The following COL19A1 variants were observed in gnomAD, a reference collection of about 807,000 sequenced individuals.
COL19A1 encodes the protein collagen alpha-1(XIX) chain.
Under a neutral mutation model 190.2 loss-of-function variants are expected in COL19A1, and 159 were observed. The ratio of observed to expected loss-of-function variants is 0.84; its 90% CI spans 0.73 to 0.95. The LOEUF (loss-of-function observed/expected upper bound fraction) is 0.95. Ranked by LOEUF, COL19A1 falls within the 40% of genes least tolerant of loss-of-function variation. The probability of loss-of-function intolerance (pLI) is 0.00; values close to 1 mark genes in which losing one functional copy is unlikely to be tolerated. For synonymous variants in COL19A1, 509 were observed against 458.9 expected (o/e 1.11, Z -1.39); for missense variants, 1,418 against 1,431.9 (o/e 0.99, Z 0.16).
intron 2 of COL19A1, among the ~76,000 whole-genome samples, chr6:69,888,156 A>T (rs1207809320): frequency 6.6e-6 from 1 of 152,192 alleles, no homozygotes; most frequent in African/African-American, 2.4e-5. Context: ...TTCCAGTTGC[A>T]TTACCGTTTA....
chr6:69,912,280 C>T (rs1272582569), intron 4 of COL19A1, among the ~76,000 whole-genome samples: 1 of 152,136 alleles, frequency 6.6e-6, no homozygotes, highest in Non-Finnish European at 1.5e-5. Context: ...CTCATTCTGA[C>T]TTGTGTAATC....
intron 9 of COL19A1, 134 bp downstream of exon 9, chr6:69,938,234 A>G: frequency 2.5e-6 from 2 of 796,656 alleles, no homozygotes; most frequent in Non-Finnish European, 3.9e-6. Flanking sequence ...CTATATTAAA[A>G]TGCTGATTAC....
intron 16 of COL19A1, among the ~76,000 whole-genome samples, chr6:70,105,187 T>C (rs1438982708): frequency 6.6e-6 from 1 of 152,188 alleles, no homozygotes; most frequent in Non-Finnish European, 1.5e-5. Flanking sequence ...GGAAAAAATC[T>C]ATGCAGAAGA....
intron 9 of COL19A1, among the ~76,000 whole-genome samples, chr6:69,944,361 A>T (rs1773658026): frequency 6.6e-6 from 1 of 152,158 alleles, no homozygotes; most frequent in African/African-American, 2.4e-5. Context: ...AGCTAAAAAT[A>T]TGCTGAATGC....
intron 4 of COL19A1, among the ~76,000 whole-genome samples, chr6:69,901,586 G>A (rs1215211689): frequency 2.0e-5 from 3 of 152,200 alleles, no homozygotes; most frequent in Non-Finnish European, 4.4e-5. Flanking sequence ...CTCATAAGTA[G>A]GCATTAAATT....
chr6:70,131,042 G>A (rs1275546329), intron 18 of COL19A1: 2 of 460,806 alleles, frequency 4.3e-6, no homozygotes, highest in Admixed American at 4.9e-5. Context: ...CATTCCCCTT[G>A]TCATTTGCAG....
At chr6:69,886,005 C>T (rs1286395618) in intron 2 of COL19A1, among the ~76,000 whole-genome samples, 1 of 152,108 alleles carries the variant, frequency 6.6e-6, no homozygotes, top group Non-Finnish European at 1.5e-5. Context: ...AACTAAAACA[C>T]TTATACACAG....
At chr6:69,928,081 G>T (rs1156938589) in intron 5 of COL19A1, 49 bp downstream of exon 5, 1 of 1,590,476 alleles carries the variant, frequency 6.3e-7, no homozygotes, top group Admixed American at 1.7e-5. Flanking sequence ...GTGTAATTAA[G>T]CCAGGTGAAT....
At chr6:69,891,716 C>T (rs1425280118) in intron 2 of COL19A1, among the ~76,000 whole-genome samples, 1 of 152,178 alleles carries the variant, frequency 6.6e-6, no homozygotes, top group African/African-American at 2.4e-5. Context: ...ATGCCTCTAT[C>T]CTCCAAACTG....
intron 15 of COL19A1, among the ~76,000 whole-genome samples, chr6:70,092,950 T>C (rs1160350619): frequency 6.6e-6 from 1 of 152,228 alleles, no homozygotes; most frequent in Non-Finnish European, 1.5e-5. Context: ...CTGAAGTTTG[T>C]AGATGAACTT....
rs763085699 is a variant in COL19A1, at chr6:70,168,173, A to G, written c.2499A>G (p.Gly833=). The G allele has an allele frequency of 4.3e-6, 7 of 1,612,832 alleles. No individual in the cohort carries two copies. In the East Asian group the frequency reaches 1.3e-4, roughly 31 times the overall value. Residue 833 remains glycine, a splice_region_variant and synonymous_variant, in exon 39 of 51, where the codon GGA becomes GGG. Transcript: ENST00000620364. ...TTTCTTTTCATTTTCTTTTGAAGGG[A>G]GGTGTGAATGTTCCCAGTTACCCAG... ...NGMSSLYKIK[G]GVNVPSYPGP...
At chr6:70,206,573 A>T (rs1767863728) in intron 49 of COL19A1, among the ~76,000 whole-genome samples, 1 of 148,436 alleles carries the variant, frequency 6.7e-6, no homozygotes, top group Non-Finnish European at 1.5e-5. Context: ...TGGAGGTTGC[A>T]GTGAGCCAAG....
chr6:70,098,822 C>T, intron 15 of COL19A1: 1 of 168,970 alleles, frequency 5.9e-6, no homozygotes, highest in Non-Finnish European at 1.3e-5. Flanking sequence ...CAGCTTGGGG[C>T]CTTGAAGGAG....
intron 14 of COL19A1, among the ~76,000 whole-genome samples, chr6:70,045,482 A>C (rs1402916933): frequency 6.6e-6 from 1 of 152,182 alleles, no homozygotes; most frequent in East Asian, 1.9e-4. Context: ...GGTAAGTTAC[A>C]GGAACTCTGA....
Position 70,207,872 on chromosome 6 carries a change from A to G in COL19A1, c.*598A>G, listed in dbSNP as rs1272154667. On this transcript the variant is annotated 3_prime_UTR_variant, in exon 51 of 51. Coordinates refer to ENST00000620364, the MANE Select transcript of COL19A1 (RefSeq NM_001858.6). Reference sequence around the variant, plus strand: ...TACAATTTATGTTTTCAAAAAAAAAATGCAGGAAACTGTTTTATCAGGGAG... The same window carrying G: ...TACAATTTATGTTTTCAAAAAAAAAGTGCAGGAAACTGTTTTATCAGGGAG... The G allele has an allele frequency of 2.0e-5, 3 of 152,212 alleles. No homozygotes were observed. Among genetic ancestry groups the G allele is most frequent in the African/African-American group, 7.2e-5 (3 of 41,460 alleles). 9.4% of individuals were successfully genotyped at this position (152,212 alleles called of 1,614,324 possible). A position where few individuals can be genotyped will look rare whatever the true frequency, so the allele number is the denominator to read the frequency against.
chr6:70,117,514 G>A (rs910595895), intron 16 of COL19A1, among the ~76,000 whole-genome samples: 3 of 152,170 alleles, frequency 2.0e-5, no homozygotes, highest in African/African-American at 7.2e-5. Flanking sequence ...TAGAACTATT[G>A]CTGAGAGTAT....
intron 7 of COL19A1, 102 bp from the exon 8 acceptor site, chr6:69,936,683 G>T (rs1272061253): frequency 2.1e-6 from 3 of 1,457,422 alleles, no homozygotes; most frequent in Admixed American, 4.0e-5. Flanking sequence ...AGCAGTTCTT[G>T]CAGGCAACCT....
intron 16 of COL19A1, among the ~76,000 whole-genome samples, chr6:70,116,641 A>G (rs1784595292): frequency 6.9e-6 from 1 of 145,734 alleles, no homozygotes; most frequent in African/African-American, 2.5e-5. Context: ...TAGGCTTCCT[A>G]ATGACTGTTT....
intron 9 of COL19A1, among the ~76,000 whole-genome samples, chr6:69,953,013 C>G (rs1365846551): frequency 6.6e-6 from 1 of 151,968 alleles, no homozygotes; most frequent in Non-Finnish European, 1.5e-5. Context: ...CTCTATATTT[C>G]TAGCCTCACC....
Sources: allele counts gnomAD v4.1 joint callset (sites outside exome capture counted in the v4.1 genomes callset), GRCh38; gene constraint gnomAD v4.1.1; transcripts MANE v1.5; gene names NCBI Gene and HGNC (gene_info 2026-07-23, HGNC 2026-07-21).